Variants in CADM2 observed in about 807,000 individuals in gnomAD.
CADM2 encodes cell adhesion molecule 2, also known as immunoglobulin superfamily member 4D.
In CADM2, 12 loss-of-function variants were observed where a neutral mutation model predicts 49.8. The ratio of observed to expected loss-of-function variants is 0.24; its 90% CI spans 0.15 to 0.39. CADM2 has a LOEUF of 0.39. CADM2 is among the 10% of genes least tolerant of loss of function. The probability of loss-of-function intolerance (pLI) is 1.00; values close to 1 mark genes in which losing one functional copy is unlikely to be tolerated. For missense variants in CADM2, 378 were observed against 492.3 expected, an observed-to-expected ratio of 0.77 and a Z score of 2.20; for synonymous variants, 214 against 175.4, an observed-to-expected ratio of 1.22 and a Z score of -1.74.
intron 1 of CADM2, among the ~76,000 whole-genome samples, chr3:85,520,845 G>A (rs2061012444): frequency 6.6e-6 from 1 of 151,960 alleles, no homozygotes; most frequent in African/African-American, 2.4e-5. Flanking sequence ...GCAGATTAAG[G>A]GGTGGATTGT....
chr3:85,742,960 T>C (rs2068456702), intron 2 of CADM2, among the ~76,000 whole-genome samples: 1 of 152,202 alleles, frequency 6.6e-6, no homozygotes, highest in African/African-American at 2.4e-5. Context: ...TTTAGTTCTT[T>C]CTACTAGGTG....
chr3:85,198,159 A>G (rs2041392347), intron 1 of CADM2, among the ~76,000 whole-genome samples: 4 of 151,880 alleles, frequency 2.6e-5, no homozygotes, highest in African/African-American at 9.7e-5. Flanking sequence ...AAATTGGCCT[A>G]ATTAACAGAA....
At chr3:85,031,905 G>A (rs745359646) in intron 1 of CADM2, among the ~76,000 whole-genome samples, 3 of 152,026 alleles carry the variant, frequency 2.0e-5, no homozygotes, top group East Asian at 1.9e-4. Flanking sequence ...AAAGCTTTAC[G>A]TATCTCCAGT....
chr3:85,344,578 C>G (rs2030375354), intron 1 of CADM2, among the ~76,000 whole-genome samples: 1 of 151,138 alleles, frequency 6.6e-6, no homozygotes, highest in Admixed American at 6.6e-5. Context: ...ATTATAAGAC[C>G]AATCAGAATG....
intron 1 of CADM2, among the ~76,000 whole-genome samples, chr3:84,987,073 C>CA (rs984928940): frequency 6.0e-5 from 9 of 150,968 alleles, no homozygotes; most frequent in African/African-American, 2.2e-4. Flanking sequence ...CAAAACAAAA[C>CA]AAAAAAGAGT....
intron 3 of CADM2, among the ~76,000 whole-genome samples, chr3:85,816,186 T>C (rs749429936): frequency 1.4e-4 from 22 of 152,018 alleles, no homozygotes; most frequent in Non-Finnish European, 2.9e-4. Flanking sequence ...CCCTCCCCCA[T>C]AGTGAATCTG....
chr3:85,598,248 G>A (rs971852983), intron 1 of CADM2, among the ~76,000 whole-genome samples: 6 of 151,960 alleles, frequency 3.9e-5, no homozygotes, highest in African/African-American at 1.4e-4. Context: ...CAGCATTCAG[G>A]CTGGGCTTTA....
chr3:85,635,628 T>C (rs367609230), intron 1 of CADM2, among the ~76,000 whole-genome samples: 41 of 152,252 alleles, frequency 2.7e-4, no homozygotes, highest in African/African-American at 8.4e-4. Context: ...GTAACATTAG[T>C]GTAATAATGA....
intron 2 of CADM2, among the ~76,000 whole-genome samples, chr3:85,788,837 G>A (rs2071162600): frequency 6.6e-6 from 1 of 151,764 alleles, no homozygotes; most frequent in African/African-American, 2.4e-5. Context: ...TTGAAATAAG[G>A]TTTTTAATGA....
chr3:85,652,123 A>C (rs1459288140), intron 1 of CADM2, among the ~76,000 whole-genome samples: 1 of 151,588 alleles, frequency 6.6e-6, no homozygotes, highest in African/African-American at 2.4e-5. Flanking sequence ...GGCCAACTAA[A>C]CTTATTTTTA....
chr3:86,038,059 TC>T (rs1735393363), intron 8 of CADM2, among the ~76,000 whole-genome samples: 1 of 152,144 alleles, frequency 6.6e-6, no homozygotes, highest in South Asian at 2.1e-4. Context: ...ATTGTTCACC[TC>T]CCACTTATGA....
chr3:85,096,739 T>G (rs952000729), intron 1 of CADM2, among the ~76,000 whole-genome samples: 11 of 152,072 alleles, frequency 7.2e-5, no homozygotes, highest in Non-Finnish European at 1.6e-4. Context: ...AAACATTCAG[T>G]GAATTTGTTC....
At chr3:85,829,394 C>T (rs1047727879) in intron 3 of CADM2, among the ~76,000 whole-genome samples, 1 of 151,792 alleles carries the variant, frequency 6.6e-6, no homozygotes, top group Admixed American at 6.6e-5. Context: ...GGGTAATTAG[C>T]ATACCTATCA....
At chr3:85,992,227 T>G (rs1337191692) in intron 8 of CADM2, 1 of 152,080 alleles carries the variant, frequency 6.6e-6, no homozygotes, top group Non-Finnish European at 1.5e-5. Flanking sequence ...TGTGTACTGC[T>G]TATACAAAAA....
chr3:85,413,059 T>C (rs912250796), intron 1 of CADM2, among the ~76,000 whole-genome samples: 1 of 139,064 alleles, frequency 7.2e-6, no homozygotes, highest in African/African-American at 2.7e-5. Context: ...GAGAATGGTG[T>C]GAACCCGGAA....
At chr3:85,207,044 A>C (rs919665559) in intron 1 of CADM2, among the ~76,000 whole-genome samples, 2 of 134,080 alleles carry the variant, frequency 1.5e-5, no homozygotes, top group Non-Finnish European at 3.2e-5. Context: ...ACTTTGGAAG[A>C]AATAAATGTG....
At chr3:85,521,283 A>G (rs1045503640) in intron 1 of CADM2, among the ~76,000 whole-genome samples, 2 of 152,112 alleles carry the variant, frequency 1.3e-5, no homozygotes, top group African/African-American at 4.8e-5. Context: ...TTTTAGGCAA[A>G]TCCATTATAT....
At chr3:85,975,742 T>C (rs913479884) in intron 8 of CADM2, among the ~76,000 whole-genome samples, 1 of 151,602 alleles carries the variant, frequency 6.6e-6, no homozygotes, top group African/African-American at 2.4e-5. Flanking sequence ...TAATACACTC[T>C]CCAAGGAACA....
intron 2 of CADM2, among the ~76,000 whole-genome samples, chr3:85,745,169 CA>C (rs1223732970): frequency 6.6e-6 from 1 of 152,136 alleles, no homozygotes; most frequent in Non-Finnish European, 1.5e-5. Flanking sequence ...ATTTCTACCT[CA>C]GTGGCTTTTG....
Sources: allele counts gnomAD v4.1 joint callset (sites outside exome capture counted in the v4.1 genomes callset), GRCh38; gene constraint gnomAD v4.1.1; transcripts MANE v1.5; gene names NCBI Gene and HGNC (gene_info 2026-07-23, HGNC 2026-07-21).